The following C1QTNF9 variants were observed in gnomAD, a reference collection of about 807,000 sequenced individuals.
C1QTNF9 encodes the protein C1q and TNF related 9, also known as complement C1q and tumor necrosis factor-related protein 9A.
Under a neutral mutation model 10.1 loss-of-function variants are expected in C1QTNF9, and 6 were observed. The ratio of observed to expected loss-of-function variants is 0.59; its 90% CI spans 0.32 to 1.17. The LOEUF is 1.17. C1QTNF9 is among the 50% of genes most tolerant of loss of function. The pLI is 0.04. For missense variants in C1QTNF9, 201 were observed against 418.8 expected (o/e 0.48, Z 4.54); for synonymous variants, 98 against 163.5 (o/e 0.60, Z 3.06).
intron 2 of C1QTNF9, among the ~76,000 whole-genome samples, chr13:24,316,386 C>T (rs1162089146): frequency 6.6e-6 from 1 of 152,080 alleles, no homozygotes; most frequent in African/African-American, 2.4e-5. Flanking sequence ...AGACTCTGTG[C>T]CAGGTGCTGG....
rs1490139052 is a variant in C1QTNF9, at chr13:24,320,619, A to T, written c.230-377A>T. ...AGGCTGATCTTGAATTCCTGGACTC[A>T]AGTAGTCTGCCCACCTTGGCCTCCC... is the stretch of plus-strand genomic sequence containing the variant. On this transcript the variant is annotated intron_variant, in intron 3 of 3. Coordinates refer to ENST00000332018, the Ensembl canonical transcript of C1QTNF9. 2.0e-5 allele frequency among the ~76,000 whole-genome samples: 3 copies of T among 152,300 alleles called. No individual in the cohort carries two copies. The East Asian group carries it at 5.8e-4, about 29-fold the overall frequency.
chr13:24,313,259 A>G (rs990085059), intron 1 of C1QTNF9, among the ~76,000 whole-genome samples: 23 of 152,228 alleles, frequency 1.5e-4, no homozygotes, highest in South Asian at 2.1e-4. Context: ...CCTACATCAA[A>G]TATGCAAAAC....
At chr13:24,319,058 T>C (rs960761482) in intron 3 of C1QTNF9, among the ~76,000 whole-genome samples, 178 bp downstream of exon 3, 5 of 152,050 alleles carry the variant, frequency 3.3e-5, no homozygotes, top group African/African-American at 1.2e-4. Flanking sequence ...GGGTAGTAAA[T>C]ATTCTCAACT....
chr13:24,308,727 G>T (rs1877698201), upstream of C1QTNF9, among the ~76,000 whole-genome samples: 1 of 151,984 alleles, frequency 6.6e-6, no homozygotes, highest in African/African-American at 2.4e-5. Context: ...CCGTACACCC[G>T]GCCTCTGCTC....
intron 2 of C1QTNF9, among the ~76,000 whole-genome samples, chr13:24,317,638 A>C (rs1031695381): frequency 5.3e-5 from 8 of 152,050 alleles, no homozygotes; most frequent in Admixed American, 1.3e-4. Context: ...TATATGTTTT[A>C]TACCAAACAT....
chr13:24,320,735 G>A (rs1314827705), intron 3 of C1QTNF9, among the ~76,000 whole-genome samples: 1 of 147,730 alleles, frequency 6.8e-6, no homozygotes, highest in East Asian at 2.0e-4. Flanking sequence ...TTTTTTTTTA[G>A]AGTCAGGGTA....
intron 2 of C1QTNF9, among the ~76,000 whole-genome samples, chr13:24,317,870 G>A (rs190049889): frequency 1.4e-3 from 214 of 151,652 alleles, no homozygotes; most frequent in African/African-American, 3.9e-3. Context: ...GGAGGGGAGC[G>A]CAGGGAGGGG....
At chr13:24,310,911 CA>C (rs58299891) in intron 1 of C1QTNF9, among the ~76,000 whole-genome samples, 3,830 of 83,008 alleles carry the variant, frequency 0.046, 39 homozygotes, top group African/African-American at 0.14. Flanking sequence ...GGCTCTGTCT[CA>C]AAAAAAAAAA....
chr13:24,316,723 C>G (rs1026996333), intron 2 of C1QTNF9, among the ~76,000 whole-genome samples: 1 of 152,126 alleles, frequency 6.6e-6, no homozygotes, highest in African/African-American at 2.4e-5. Flanking sequence ...AGGTTGGGAC[C>G]CTGTCCCAGG....
chr13:24,318,861 T>C, exon 3 of C1QTNF9: 1 of 1,614,110 alleles, frequency 6.2e-7, no homozygotes, highest in Non-Finnish European at 8.5e-7. Context: ...ATGGGACGAG[T>C]GGAGAGAAGG....
chr13:24,321,326 G>A, exon 4 of C1QTNF9: 3 of 1,587,476 alleles, frequency 1.9e-6, no homozygotes, highest in Non-Finnish European at 2.6e-6. Context: ...AAAGGAGATC[G>A]AGGAGAGAAA....
chr13:24,309,283 T>TTATATATATATATATATATATATA (rs72150411), upstream of C1QTNF9, among the ~76,000 whole-genome samples: 564 of 67,628 alleles, frequency 8.3e-3, 45 homozygotes, highest in Non-Finnish European at 9.4e-3. Context: ...ACTTAAAGTA[T>TTATATATATATATATATATATATA]TATATATATA....
intron 2 of C1QTNF9, among the ~76,000 whole-genome samples, chr13:24,317,938 C>G (rs1878104132): frequency 6.6e-6 from 1 of 152,114 alleles, no homozygotes; most frequent in Admixed American, 6.6e-5. Flanking sequence ...AGGCCCCACT[C>G]AGGAGCGCTG....
chr13:24,321,191 T>C (rs1295162412), exon 4 of C1QTNF9: 5 of 1,364,610 alleles, frequency 3.7e-6, no homozygotes, highest in South Asian at 2.8e-5. Flanking sequence ...AGGGGCAACA[T>C]TGGGCCTTTG....
chr13:24,316,050 A>G (rs1593533809), exon 2 of C1QTNF9: 1 of 1,613,802 alleles, frequency 6.2e-7, no homozygotes, highest in South Asian at 1.1e-5. Context: ...TGCACAGGGA[A>G]CATAAACTCA....
intron 2 of C1QTNF9, among the ~76,000 whole-genome samples, chr13:24,316,726 G>C (rs1395233180): frequency 2.0e-5 from 3 of 152,190 alleles, no homozygotes; most frequent in African/African-American, 7.2e-5. Context: ...TTGGGACCCT[G>C]TCCCAGGGTC....
At chr13:24,318,759 G>A (rs1878139124) in intron 2 of C1QTNF9, 59 bp from the exon 3 acceptor site, 12 of 1,608,880 alleles carry the variant, frequency 7.5e-6, no homozygotes, top group Middle Eastern at 3.3e-4. Context: ...GGAGACCAAT[G>A]GCCAGAAAAA....
intron 1 of C1QTNF9, among the ~76,000 whole-genome samples, chr13:24,314,967 C>T (rs1244345808): frequency 6.6e-6 from 1 of 151,836 alleles, no homozygotes; most frequent in African/African-American, 2.4e-5. Flanking sequence ...CAAAGAACAC[C>T]TCTCACTACA....
chr13:24,309,723 TAGTC>T (rs1877738600), intron 1 of C1QTNF9, 107 bp downstream of exon 1: 1 of 152,180 alleles, frequency 6.6e-6, no homozygotes, highest in African/African-American at 2.4e-5. Flanking sequence ...ATTTGCAAAA[TAGTC>T]AGATGTCTAT....
Sources: gnomAD v4.1 joint callset for allele counts (sites outside exome capture counted in the v4.1 genomes callset) on GRCh38, gnomAD v4.1.1 for gene constraint, MANE v1.5 for transcripts, NCBI Gene and HGNC (gene_info 2026-07-23, HGNC 2026-07-21) for gene names.